Variants in OSBPL1A observed in about 807,000 individuals in gnomAD.
OSBPL1A encodes the protein oxysterol binding protein like 1A, also known as oxysterol-binding protein-related protein 1.
Under a neutral mutation model 137.1 loss-of-function variants are expected in OSBPL1A, and 80 were observed. The observed-to-expected ratio is 0.58, with a 90% CI of 0.49 to 0.70. The LOEUF is 0.70. OSBPL1A is among the 30% of genes least tolerant of loss of function. The pLI, the probability that OSBPL1A is intolerant of heterozygous loss-of-function variation, is 0.00. For synonymous variants in OSBPL1A, 365 were observed against 389.7 expected, an observed-to-expected ratio of 0.94 and a Z score of 0.75; for missense variants, 970 against 1,129.4, an observed-to-expected ratio of 0.86 and a Z score of 2.02.
intron 1 of OSBPL1A, among the ~76,000 whole-genome samples, chr18:24,382,613 TG>T (rs1356755182): frequency 6.6e-6 from 1 of 151,076 alleles, no homozygotes; most frequent in South Asian, 2.1e-4. Context: ...TAGAAGAAGC[TG>T]GGGGCAACGG....
intron 4 of OSBPL1A, chr18:24,347,964 T>TA (rs2091374652): frequency 6.7e-6 from 1 of 148,212 alleles, no homozygotes; most frequent in Non-Finnish European, 1.5e-5. Context: ...TCCAAGGAAA[T>TA]AAGAGAACAC....
chr18:24,194,599 T>C (rs1251933537), intron 18 of OSBPL1A, among the ~76,000 whole-genome samples: 1 of 152,230 alleles, frequency 6.6e-6, no homozygotes, highest in Non-Finnish European at 1.5e-5. Flanking sequence ...CCTAATAGAA[T>C]TGAAATAAAA....
At chr18:24,289,514 C>A (rs142795256) in intron 14 of OSBPL1A, among the ~76,000 whole-genome samples, 1 of 150,452 alleles carries the variant, frequency 6.6e-6, no homozygotes, top group Non-Finnish European at 1.5e-5. Context: ...CCCCACCTCC[C>A]GGGTTCAAGC....
At position 24,314,283 on chromosome 18, in the gene OSBPL1A, C is replaced by G. The variant is rs538320788; in HGVS notation, c.935G>C (p.Arg312Pro). Residue 312 changes from arginine (R) to proline (P), a missense_variant, in exon 12 of 28, where the codon CGG (arginine) becomes CCG (proline). Transcript: ENST00000319481. ...CTGCTGAAGGCTATTCTTAGGAACC[C>G]GGAAGCCATGAATGGTGTCATCAAA... ...KCFDDTIHGF[R>P]VPKNSLQQSR... 27 of 1,610,352 alleles carry G rather than the reference C, an allele frequency of 1.7e-5. No homozygotes were observed. The highest frequency in any genetic ancestry group is 2.2e-5 in the Non-Finnish European group (26 of 1,178,810).
chr18:24,283,138 G>T (rs781541014), intron 14 of OSBPL1A, among the ~76,000 whole-genome samples: 1 of 150,596 alleles, frequency 6.6e-6, no homozygotes, highest in Non-Finnish European at 1.5e-5. Context: ...GGTGGCTGGC[G>T]CCTGTAATCC....
At chr18:24,285,722 T>C (rs2090056315) in intron 14 of OSBPL1A, among the ~76,000 whole-genome samples, 1 of 152,120 alleles carries the variant, frequency 6.6e-6, no homozygotes, top group Non-Finnish European at 1.5e-5. Flanking sequence ...CAAAATCTAG[T>C]GACAAAGCTA....
At chr18:24,292,029 G>A (rs2090183477) in intron 14 of OSBPL1A, among the ~76,000 whole-genome samples, 1 of 152,218 alleles carries the variant, frequency 6.6e-6, no homozygotes, top group Non-Finnish European at 1.5e-5. Flanking sequence ...AGGTTGCAGT[G>A]AGCCAAGATT....
intron 1 of OSBPL1A, among the ~76,000 whole-genome samples, chr18:24,377,797 C>A (rs1256264489): frequency 6.6e-6 from 1 of 152,184 alleles, no homozygotes; most frequent in Non-Finnish European, 1.5e-5. Flanking sequence ...AGAATACAAC[C>A]AACCGCATAA....
intron 17 of OSBPL1A, among the ~76,000 whole-genome samples, chr18:24,211,648 T>C (rs1234370129): frequency 2.0e-5 from 3 of 150,482 alleles, no homozygotes; most frequent in South Asian, 2.1e-4. Flanking sequence ...TTAAGAAACT[T>C]TGGAACAAGG....
chr18:24,368,461 A>C, intron 2 of OSBPL1A, 89 bp from the exon 3 acceptor site: 3 of 967,794 alleles, frequency 3.1e-6, no homozygotes, highest in Non-Finnish European at 4.9e-6. Flanking sequence ...CTACCTCAAT[A>C]ATCTCCTTTG....
At chr18:24,285,712 C>A (rs2090056146) in intron 14 of OSBPL1A, among the ~76,000 whole-genome samples, 1 of 151,878 alleles carries the variant, frequency 6.6e-6, no homozygotes. Context: ...CCAAAAACTA[C>A]AAAATCTAGT....
chr18:24,301,519 T>G (rs1387297467), intron 14 of OSBPL1A, among the ~76,000 whole-genome samples: 1 of 152,262 alleles, frequency 6.6e-6, no homozygotes, highest in African/African-American at 2.4e-5. Flanking sequence ...CCCTACTTTT[T>G]GGTAGTTCTT....
At chr18:24,381,622 A>G (rs1386462945) in intron 1 of OSBPL1A, among the ~76,000 whole-genome samples, 2 of 152,146 alleles carry the variant, frequency 1.3e-5, no homozygotes, top group Non-Finnish European at 2.9e-5. Flanking sequence ...TATTTTTAAA[A>G]TGTTAGCAAT....
chr18:24,284,242 G>C (rs2090024068), intron 14 of OSBPL1A, among the ~76,000 whole-genome samples: 1 of 151,868 alleles, frequency 6.6e-6, no homozygotes, highest in Non-Finnish European at 1.5e-5. Context: ...AATTAAAATT[G>C]CTAAGCTTCT....
chr18:24,370,814 T>C (rs1301052703), intron 2 of OSBPL1A, among the ~76,000 whole-genome samples: 1 of 152,114 alleles, frequency 6.6e-6, no homozygotes, highest in Admixed American at 6.5e-5. Context: ...ACCACAGGCA[T>C]GCGCCACCAC....
intron 7 of OSBPL1A, among the ~76,000 whole-genome samples, chr18:24,326,090 G>T (rs1839145555): frequency 6.6e-6 from 1 of 151,674 alleles, no homozygotes; most frequent in African/African-American, 2.4e-5. Context: ...AAAAAGACTA[G>T]GACATTTTCA....
intron 17 of OSBPL1A, among the ~76,000 whole-genome samples, chr18:24,212,205 C>T (rs999457833): frequency 6.6e-6 from 1 of 151,476 alleles, no homozygotes. Flanking sequence ...GTAGCTAGGA[C>T]TAAAGGCGCA....
intron 14 of OSBPL1A, among the ~76,000 whole-genome samples, chr18:24,290,963 A>G (rs188516420): frequency 3.3e-5 from 5 of 152,296 alleles, no homozygotes; most frequent in South Asian, 2.1e-4. Context: ...ATGAAATCCA[A>G]ATTTAAAACT....
chr18:24,183,736 C>A (rs9951239), intron 18 of OSBPL1A, among the ~76,000 whole-genome samples: 152,337 of 152,338 alleles, frequency 1, 76,168 homozygotes, highest in Non-Finnish European at 1. Flanking sequence ...GTGCCCAGCC[C>A]AGATTTGTTT....
Sources: gnomAD v4.1 joint callset for allele counts (sites outside exome capture counted in the v4.1 genomes callset) on GRCh38, gnomAD v4.1.1 for gene constraint, MANE v1.5 for transcripts, NCBI Gene and HGNC (gene_info 2026-07-23, HGNC 2026-07-21) for gene names.